CNTN4: variants seen among roughly 807,000 people sequenced by gnomAD.
CNTN4 encodes the protein contactin-4.
In CNTN4, 77 loss-of-function variants were observed where a neutral mutation model predicts 122.5. The observed-to-expected ratio is 0.63, with a 90% CI of 0.52 to 0.76. The LOEUF (loss-of-function observed/expected upper bound fraction) is 0.76, where lower values mean the gene tolerates loss of function less well. Ranked by LOEUF, CNTN4 falls within the 30% of genes least tolerant of loss-of-function variation. The probability of loss-of-function intolerance (pLI) is 0.00; values close to 1 mark genes in which losing one functional copy is unlikely to be tolerated. For synonymous variants in CNTN4, 512 were observed against 447.0 expected (o/e 1.15, Z -1.83); for missense variants, 1,256 against 1,259.1 (o/e 1.00, Z 0.04).
intron 2 of CNTN4, among the ~76,000 whole-genome samples, chr3:2,328,077 A>G (rs942746355): frequency 1.3e-5 from 2 of 152,190 alleles, no homozygotes; most frequent in African/African-American, 2.4e-5. Context: ...CTGTTATATT[A>G]TACCCTTTTG....
intron 3 of CNTN4, among the ~76,000 whole-genome samples, chr3:2,411,205 A>G (rs1407755101): frequency 6.6e-6 from 1 of 152,170 alleles, no homozygotes; most frequent in African/African-American, 2.4e-5. Context: ...ACATCAGGAT[A>G]AATAGCTAAT....
chr3:2,613,169 A>C (rs924688245), intron 4 of CNTN4, among the ~76,000 whole-genome samples: 2 of 142,376 alleles, frequency 1.4e-5, no homozygotes, highest in Non-Finnish European at 3.0e-5. Flanking sequence ...CGTAGTTCTA[A>C]GCACACGTGG....
chr3:2,130,972 A>G (rs1340454117), intron 2 of CNTN4, among the ~76,000 whole-genome samples: 3 of 152,190 alleles, frequency 2.0e-5, no homozygotes, highest in African/African-American at 7.2e-5. Context: ...TTGGGCTGAC[A>G]GTGTGTTTGG....
intron 2 of CNTN4, among the ~76,000 whole-genome samples, chr3:2,249,706 CCAAA>C (rs1210245706): frequency 2.0e-5 from 3 of 151,882 alleles, no homozygotes; most frequent in Admixed American, 1.3e-4. Flanking sequence ...AAGAAATCAA[CCAAA>C]CAAATTTCAA....
intron 2 of CNTN4, among the ~76,000 whole-genome samples, chr3:2,134,706 C>T (rs953512404): frequency 6.6e-6 from 1 of 152,174 alleles, no homozygotes; most frequent in African/African-American, 2.4e-5. Flanking sequence ...AGGGATGCTG[C>T]TGAACACCCT....
At chr3:2,847,419 A>G (rs1164172352) in intron 7 of CNTN4, among the ~76,000 whole-genome samples, 1 of 152,190 alleles carries the variant, frequency 6.6e-6, no homozygotes, top group African/African-American at 2.4e-5. Context: ...TCAACTAATC[A>G]ATGTTCACCA....
Position 2,485,480 on chromosome 3 carries a change from G to A in CNTN4, c.-88-85936G>A, listed in dbSNP as rs541410515. The stretch of plus-strand genomic sequence containing the variant: ...TCAAGGTTTGTAAATGCACCAATTA[G>A]CATTCTGTATCTAGCTGATCTGGTG... On this transcript the variant is annotated intron_variant, in intron 3 of 24. Transcript: ENST00000418658. Among the ~76,000 whole-genome samples, 7 of 152,274 alleles carry A rather than the reference G, an allele frequency of 4.6e-5. No homozygotes were observed. The South Asian group carries it at 1.4e-3, about 32-fold the overall frequency.
At chr3:2,298,229 C>G (rs1019602561) in intron 2 of CNTN4, among the ~76,000 whole-genome samples, 1 of 152,118 alleles carries the variant, frequency 6.6e-6, no homozygotes, top group Non-Finnish European at 1.5e-5. Flanking sequence ...ATAATTTTAA[C>G]CTCCTCCTTT....
At chr3:2,191,574 T>C (rs1006777137) in intron 2 of CNTN4, among the ~76,000 whole-genome samples, 1 of 151,956 alleles carries the variant, frequency 6.6e-6, no homozygotes, top group African/African-American at 2.4e-5. Flanking sequence ...AGCCCGTAAA[T>C]ATTTAACTTT....
chr3:2,785,529 G>A (rs78306065), intron 6 of CNTN4, among the ~76,000 whole-genome samples: 2,152 of 152,222 alleles, frequency 0.014, 48 homozygotes, highest in African/African-American at 0.049. Flanking sequence ...CAGAAATAAT[G>A]TTTAAGCTTT....
chr3:2,340,737 A>AGAGAGAGAGG (rs1168402469), intron 3 of CNTN4, among the ~76,000 whole-genome samples: 83 of 133,224 alleles, frequency 6.2e-4, no homozygotes, highest in African/African-American at 2.0e-3. Flanking sequence ...AGAGAGAGAG[A>AGAGAGAGAGG]GAGTCAGAAA....
intron 2 of CNTN4, among the ~76,000 whole-genome samples, chr3:2,228,969 A>G (rs915814581): frequency 6.6e-6 from 1 of 152,172 alleles, no homozygotes; most frequent in Non-Finnish European, 1.5e-5. Flanking sequence ...TTCTGCATCC[A>G]TATGGATCTT....
At chr3:2,334,936 G>A (rs4685513) in intron 2 of CNTN4, among the ~76,000 whole-genome samples, 11,721 of 152,212 alleles carry the variant, frequency 0.077, 515 homozygotes, top group Middle Eastern at 0.085. Flanking sequence ...GAGGTATTTG[G>A]AAAGGGTCTA....
rs2077422510 is a variant in CNTN4 at position 2,527,024 on chromosome 3, A to G, written c.-88-44392A>G. On this transcript the variant is annotated intron_variant, in intron 3 of 24. Transcript: ENST00000418658. ...TGGACTTTGGATACTTTCTCAGAAA[A>G]CGTAGAAGACAGATTGATTCTTCTT... 1.3e-5 allele frequency among the ~76,000 whole-genome samples: 2 copies of G among 152,262 alleles called. 1 individual carries two copies. The highest frequency in any genetic ancestry group is 4.1e-4 in the South Asian group (2 of 4,822).
At chr3:2,840,277 A>G (rs547793361) in intron 7 of CNTN4, among the ~76,000 whole-genome samples, 92 of 152,192 alleles carry the variant, frequency 6.0e-4, no homozygotes, top group Non-Finnish European at 1.5e-4. Flanking sequence ...AGTTCTCCAT[A>G]GAGAGAGAGA....
At chr3:2,243,366 AT>A (rs2040016105) in intron 2 of CNTN4, among the ~76,000 whole-genome samples, 1 of 152,134 alleles carries the variant, frequency 6.6e-6, no homozygotes, top group African/African-American at 2.4e-5. Context: ...GAACCTTAAT[AT>A]CCATTTTTAT....
chr3:2,881,420 C>T (rs576486722), intron 8 of CNTN4, among the ~76,000 whole-genome samples: 113 of 149,712 alleles, frequency 7.5e-4, no homozygotes, highest in Non-Finnish European at 1.5e-3. Context: ...GGCTGAGGCA[C>T]AAGAATTGCT....
intron 12 of CNTN4, among the ~76,000 whole-genome samples, chr3:2,921,626 A>C (rs752964030): frequency 2.6e-5 from 4 of 152,212 alleles, no homozygotes; most frequent in Non-Finnish European, 5.9e-5. Context: ...AATATTCTCC[A>C]TCAACTGGCA....
At chr3:2,660,206 G>A (rs17018135) in intron 4 of CNTN4, among the ~76,000 whole-genome samples, 11,225 of 133,330 alleles carry the variant, frequency 0.084, 465 homozygotes, top group Admixed American at 0.15. Flanking sequence ...TCTAAGAGAT[G>A]GTTTATAAAT....
Sources: allele counts gnomAD v4.1 joint callset (sites outside exome capture counted in the v4.1 genomes callset), GRCh38; gene constraint gnomAD v4.1.1; transcripts MANE v1.5; gene names NCBI Gene and HGNC (gene_info 2026-07-23, HGNC 2026-07-21).